Variants in SLC37A1 observed in about 807,000 individuals in gnomAD.
The protein encoded by SLC37A1 is glucose-6-phosphate exchanger SLC37A1.
In SLC37A1, 49 loss-of-function variants were observed where a neutral mutation model predicts 75.3. The ratio of observed to expected loss-of-function variants is 0.65; its 90% confidence interval spans 0.52 to 0.83. The LOEUF (loss-of-function observed/expected upper bound fraction) is 0.83. Among genes scored for constraint, SLC37A1 ranks in the 40% least tolerant of loss-of-function variants. SLC37A1 has a pLI of 0.00. For missense variants in SLC37A1, 566 were observed against 695.0 expected (o/e 0.81, Z 2.09); for synonymous variants, 268 against 292.1 (o/e 0.92, Z 0.84).
intron 2 of SLC37A1, among the ~76,000 whole-genome samples, chr21:42,520,361 T>G (rs1490186832): frequency 6.6e-6 from 1 of 152,212 alleles, no homozygotes; most frequent in African/African-American, 2.4e-5. Flanking sequence ...CTTCTTCTTC[T>G]GAGACAATGG....
At chr21:42,532,182 AC>A (rs557626487) in intron 3 of SLC37A1, among the ~76,000 whole-genome samples, 201 of 152,166 alleles carry the variant, frequency 1.3e-3, no homozygotes, top group Non-Finnish European at 2.4e-3. Flanking sequence ...AGGATGTGAG[AC>A]CCCCACTCAT....
intron 2 of SLC37A1, among the ~76,000 whole-genome samples, chr21:42,524,628 C>T (rs2054734368): frequency 6.6e-6 from 1 of 152,230 alleles, no homozygotes; most frequent in African/African-American, 2.4e-5. Flanking sequence ...ACGCCAGAAA[C>T]TTGTGGTTAG....
intron 10 of SLC37A1, among the ~76,000 whole-genome samples, chr21:42,557,107 G>A (rs764014148): frequency 7.2e-5 from 11 of 152,218 alleles, no homozygotes; most frequent in African/African-American, 1.9e-4. Flanking sequence ...GTTGACCTGC[G>A]GTCACTTCTC....
rs1161313598 is a variant in SLC37A1, at chr21:42,530,654, A to ACACACACACCCCCC, written c.139-4043_139-4042insACACACACCCCCCC. 1.3e-3 allele frequency among the ~76,000 whole-genome samples: 45 copies of ACACACACACCCCCC among 35,888 alleles called. 1 individual carries two copies. Among genetic ancestry groups the ACACACACACCCCCC allele is most frequent in the Non-Finnish European group, 1.8e-3 (34 of 19,106 alleles). 23.5% of individuals were successfully genotyped at this position (35,888 alleles called of 152,430 possible). Reference sequence around the variant, plus strand: ...CACACACACACACACACACACACACACCCCCTCTGTGTTGGCTGAAGGTGG... The same window carrying ACACACACACCCCCC: ...CACACACACACACACACACACACACACACACACACCCCCCCCCCCTCTGTGTTGGCTGAAGGTGG... On this transcript the variant is annotated intron_variant, in intron 3 of 19. Coordinates refer to ENST00000352133, the MANE Select transcript of SLC37A1 (RefSeq NM_001320537.2).
intron 2 of SLC37A1, among the ~76,000 whole-genome samples, chr21:42,524,832 G>A (rs2054740265): frequency 6.6e-6 from 1 of 152,184 alleles, no homozygotes; most frequent in Admixed American, 6.5e-5. Context: ...ACAACCTTTA[G>A]TGCTGAGTGT....
At chr21:42,575,384 C>T (rs776529106) in intron 18 of SLC37A1, 206 of 985,448 alleles carry the variant, frequency 2.1e-4, no homozygotes, top group Non-Finnish European at 2.3e-4. Context: ...ACGGCGGGAG[C>T]GGCCCCAACT....
At chr21:42,569,757 G>A (rs934927129) in intron 17 of SLC37A1, among the ~76,000 whole-genome samples, 2 of 152,344 alleles carry the variant, frequency 1.3e-5, no homozygotes, top group South Asian at 2.1e-4. Flanking sequence ...CCACTGGAAC[G>A]GAAGCTCCAG....
chr21:42,580,653 A>C lies in SLC37A1; in HGVS notation c.*293A>C. On this transcript the variant is annotated 3_prime_UTR_variant, in exon 20 of 20. Coordinates refer to ENST00000352133, the MANE Select transcript of SLC37A1 (RefSeq NM_001320537.2). ...GGCGTGTGCCCATGCAGCCACCCAA[A>C]TGCACGCGTGACAACAAGGCCGGGA... 1 of 261,068 alleles carries C rather than the reference A, an allele frequency of 3.8e-6. No homozygotes were observed. The highest frequency in any genetic ancestry group is 7.4e-6 in the Non-Finnish European group (1 of 135,490). The allele number at this position is 261,068 out of a possible 1,614,324, so 16.2% of individuals were successfully genotyped here.
intron 2 of SLC37A1, among the ~76,000 whole-genome samples, chr21:42,508,327 C>A (rs1437514617): frequency 6.6e-6 from 1 of 152,008 alleles, no homozygotes; most frequent in Non-Finnish European, 1.5e-5. Context: ...CAGGGTTTCA[C>A]CATGTTGGCC....
chr21:42,550,744 A>T (rs979107721), intron 9 of SLC37A1, among the ~76,000 whole-genome samples: 1 of 152,242 alleles, frequency 6.6e-6, no homozygotes, highest in African/African-American at 2.4e-5. Flanking sequence ...ATCAAGTGGG[A>T]TTTATCCCAG....
intron 1 of SLC37A1, among the ~76,000 whole-genome samples, chr21:42,517,671 T>C (rs2054548974): frequency 6.6e-6 from 1 of 152,220 alleles, no homozygotes; most frequent in South Asian, 2.1e-4. Context: ...CTTCCTATAT[T>C]GCTCTGCCTT....
intron 8 of SLC37A1, 60 bp downstream of exon 8, chr21:42,543,662 G>A: frequency 1.3e-6 from 2 of 1,517,338 alleles, no homozygotes; most frequent in Non-Finnish European, 1.8e-6. Context: ...TCCCTGCCTG[G>A]GTGGGCCTTG....
chr21:42,523,792 G>A (rs535922237), intron 2 of SLC37A1, among the ~76,000 whole-genome samples: 20 of 152,322 alleles, frequency 1.3e-4, no homozygotes, highest in African/African-American at 4.3e-4. Context: ...GGTATTCTGC[G>A]AGTTGGTTTG....
Position 42,545,220 on chromosome 21 carries a change from A to G in SLC37A1, c.730+1618A>G, listed in dbSNP as rs1183727768. 6.6e-6 allele frequency among the ~76,000 whole-genome samples: 1 copy of G among 152,184 alleles called. No individual in the cohort carries two copies. Among genetic ancestry groups the G allele is most frequent in the Non-Finnish European group, 1.5e-5 (1 of 68,022 alleles). On this transcript the variant is annotated intron_variant, in intron 8 of 19. Coordinates refer to ENST00000352133, the MANE Select transcript of SLC37A1 (RefSeq NM_001320537.2). The surrounding 1 kb of genome is among the most constrained non-coding windows in gnomAD (Gnocchi z 4.0). ...AGGCTGCATGCTTCATCTCTAGCCAAACAAAACCAAACTACCAGAACCTCC... is the reference window on the plus strand; with the variant it reads ...AGGCTGCATGCTTCATCTCTAGCCAGACAAAACCAAACTACCAGAACCTCC...
At chr21:42,536,767 A>G (rs982893960) in intron 5 of SLC37A1, among the ~76,000 whole-genome samples, 1 of 152,164 alleles carries the variant, frequency 6.6e-6, no homozygotes, top group East Asian at 1.9e-4. Context: ...CACCTCTCAC[A>G]ATAGCTCATC....
intron 14 of SLC37A1, among the ~76,000 whole-genome samples, chr21:42,565,157 AG>A: frequency 6.6e-6 from 1 of 152,362 alleles, no homozygotes; most frequent in Non-Finnish European, 1.5e-5. Context: ...AGTGCTTTTC[AG>A]GCATTTCGTA....
chr21:42,527,876 C>G (rs144539414), intron 3 of SLC37A1, among the ~76,000 whole-genome samples: 228 of 152,296 alleles, frequency 1.5e-3, no homozygotes, highest in African/African-American at 5.2e-3. Flanking sequence ...GAACATCACA[C>G]CACATCAAAA....
intron 3 of SLC37A1, among the ~76,000 whole-genome samples, chr21:42,531,085 G>T (rs2054960540): frequency 6.6e-6 from 1 of 152,188 alleles, no homozygotes; most frequent in Non-Finnish European, 1.5e-5. Context: ...CCCCGGACGG[G>T]ATTTCCTCTC....
intron 9 of SLC37A1, among the ~76,000 whole-genome samples, chr21:42,551,709 G>A (rs1601731154): frequency 6.6e-6 from 1 of 152,298 alleles, no homozygotes; most frequent in East Asian, 1.9e-4. Context: ...TTTGCACTGT[G>A]TTTGAGCAAG....
Sources: gnomAD v4.1 joint callset for allele counts (sites outside exome capture counted in the v4.1 genomes callset) on GRCh38, gnomAD v4.1.1 for gene constraint, Gnocchi (gnomAD v3.1) non-coding constraint, MANE v1.5 for transcripts, NCBI Gene and HGNC (gene_info 2026-07-23, HGNC 2026-07-21) for gene names.